KIF21A: variants seen among roughly 807,000 people sequenced by gnomAD.
KIF21A encodes kinesin-like protein KIF21A.
A neutral mutation model predicts 202.9 loss-of-function variants in KIF21A; 114 were observed. The ratio of observed to expected loss-of-function variants is 0.56; its 90% CI spans 0.48 to 0.66. The LOEUF is 0.66. KIF21A is among the 30% of genes least tolerant of loss of function. The pLI, the probability that KIF21A is intolerant of heterozygous loss-of-function variation, is 0.00. For missense variants in KIF21A, 1,677 were observed against 1,994.9 expected, an observed-to-expected ratio of 0.84 and a Z score of 3.04; for synonymous variants, 667 against 670.8, an observed-to-expected ratio of 0.99 and a Z score of 0.09.
At chr12:39,428,483 T>TGA (rs1183346034) in intron 1 of KIF21A, among the ~76,000 whole-genome samples, 1 of 152,198 alleles carries the variant, frequency 6.6e-6, no homozygotes, top group East Asian at 1.9e-4. Flanking sequence ...ACCCAATTAT[T>TGA]GAGTAAGATC....
intron 1 of KIF21A, among the ~76,000 whole-genome samples, chr12:39,381,290 G>A (rs1005262869): frequency 2.7e-5 from 4 of 145,464 alleles, no homozygotes; most frequent in South Asian, 2.2e-4. Context: ...CTGGGCAACT[G>A]AGCGAGACTC....
At position 39,330,764 on chromosome 12, in the gene KIF21A, G is replaced by T. The variant is rs377193734; in HGVS notation, c.3301C>A (p.Leu1101Ile). 1.7e-5 allele frequency: 27 copies of T among 1,613,852 alleles called. No homozygotes were observed. Among genetic ancestry groups the T allele is most frequent in the Non-Finnish European group, 5.9e-6 (7 of 1,179,874 alleles). Residue 1101 changes from leucine to isoleucine, a missense_variant, in exon 23 of 38, where the codon CTA becomes ATA. Coordinates refer to ENST00000361418, the MANE Select transcript of KIF21A (RefSeq NM_001173464.2). Reference sequence around the variant, plus strand: ...AAATTACCTTGTAAAGCATGGCCTAGTAAAGCATCTAGCTCAGGATTTAAT... The same window carrying T: ...AAATTACCTTGTAAAGCATGGCCTATTAAAGCATCTAGCTCAGGATTTAAT... Reference protein sequence around the residue: ...AELNPELDALLGHALQDLDSV... With the variant: ...AELNPELDALIGHALQDLDSV...
rs1945849157 is a variant in KIF21A at position 39,325,900 on chromosome 12, G to A, written c.3402-7C>T. The A allele has an allele frequency of 3.1e-6, 5 of 1,606,550 alleles. No homozygotes were observed. The African/African-American group carries it at 6.7e-5, about 21-fold the overall frequency. On this transcript the variant is annotated splice_region_variant and splice_polypyrimidine_tract_variant and intron_variant, in intron 25 of 37. Transcript: ENST00000361418. The stretch of plus-strand genomic sequence containing the variant: ...GAGATCTGAAGACAGCGTGCTATGT[G>A]CAAATAAATAATTAAGCACAAGATT...
intron 21 of KIF21A, 168 bp from the exon 22 acceptor site, chr12:39,331,959 G>A (rs979673722): frequency 2.9e-6 from 2 of 700,542 alleles, no homozygotes; most frequent in East Asian, 5.4e-5. Context: ...TAGTTGAAAA[G>A]ACACATTTAA....
At chr12:39,436,448 A>ATATATATATATATATATATATTTTTTT (rs1387332677) in intron 1 of KIF21A, among the ~76,000 whole-genome samples, 23 of 95,734 alleles carry the variant, frequency 2.4e-4, no homozygotes, top group Non-Finnish European at 4.2e-4. Flanking sequence ...ATATATATAT[A>ATATATATATATATATATATATTTTTTT]TTTTTTTTTT....
chr12:39,313,460 TA>T (rs1402111895), intron 31 of KIF21A, among the ~76,000 whole-genome samples: 1 of 151,912 alleles, frequency 6.6e-6, no homozygotes, highest in Non-Finnish European at 1.5e-5. Context: ...TTGACTCTAA[TA>T]AAGCCCATAC....
chr12:39,365,187 C>T (rs1253425856), intron 6 of KIF21A, among the ~76,000 whole-genome samples: 1 of 152,156 alleles, frequency 6.6e-6, no homozygotes, highest in Non-Finnish European at 1.5e-5. Context: ...CCAAATTATA[C>T]TTTAAAAACT....
intron 10 of KIF21A, among the ~76,000 whole-genome samples, chr12:39,353,365 T>C (rs901939257): frequency 8.5e-5 from 13 of 152,166 alleles, no homozygotes; most frequent in African/African-American, 1.9e-4. Flanking sequence ...ATATATGTGA[T>C]ACCATATGCG....
At chr12:39,321,613 T>TA (rs1945270520) in intron 27 of KIF21A, 1 of 152,206 alleles carries the variant, frequency 6.6e-6, no homozygotes, top group Non-Finnish European at 1.5e-5. Flanking sequence ...CTGCCATCAT[T>TA]AAAATTAATT....
chr12:39,391,188 C>G (rs970722703), intron 1 of KIF21A, among the ~76,000 whole-genome samples: 7 of 152,130 alleles, frequency 4.6e-5, no homozygotes, highest in African/African-American at 1.7e-4. Context: ...TATTTGGTTC[C>G]TGAGCTTAGA....
intron 8 of KIF21A, among the ~76,000 whole-genome samples, 155 bp from the exon 9 acceptor site, chr12:39,357,592 C>CA: frequency 6.6e-6 from 1 of 152,010 alleles, no homozygotes; most frequent in Middle Eastern, 3.2e-3. Flanking sequence ...TCTAGTAGAA[C>CA]ACTCCACAAT....
chr12:39,357,187 C>A, intron 9 of KIF21A, 61 bp downstream of exon 9: 2 of 1,420,904 alleles, frequency 1.4e-6, no homozygotes, highest in East Asian at 2.3e-5. Context: ...TTAGTGAACA[C>A]AAAGAATGTT....
At chr12:39,302,910 G>T (rs1943101947) in intron 36 of KIF21A, 55 bp downstream of exon 36, 1 of 1,415,638 alleles carries the variant, frequency 7.1e-7, no homozygotes, top group Middle Eastern at 2.3e-4. Flanking sequence ...TCTTCTACAG[G>T]CTACAGGATT....
chr12:39,351,205 A>C (rs1205706895), intron 11 of KIF21A, among the ~76,000 whole-genome samples: 2 of 152,122 alleles, frequency 1.3e-5, no homozygotes, highest in Non-Finnish European at 2.9e-5. Flanking sequence ...AAAGCCCAGA[A>C]CAGTGGTGAA....
intron 1 of KIF21A, among the ~76,000 whole-genome samples, chr12:39,416,207 T>G (rs1049317877): frequency 6.6e-6 from 1 of 152,156 alleles, no homozygotes; most frequent in African/African-American, 2.4e-5. Flanking sequence ...CCCTAGTCAC[T>G]GCCCTTTTAA....
chr12:39,404,759 CAA>C (rs1406293068), intron 1 of KIF21A, among the ~76,000 whole-genome samples: 1 of 151,938 alleles, frequency 6.6e-6, no homozygotes, highest in African/African-American at 2.4e-5. Flanking sequence ...TAACATGTTC[CAA>C]AACAGAATTT....
intron 31 of KIF21A, among the ~76,000 whole-genome samples, chr12:39,314,636 C>T (rs1339885065): frequency 6.6e-6 from 1 of 151,842 alleles, no homozygotes; most frequent in Non-Finnish European, 1.5e-5. Flanking sequence ...ACAGTACCCT[C>T]AGATGTAATA....
In KIF21A at chr12:39,318,202, C is replaced by T. The variant is rs560025140; in HGVS notation, c.3780-1G>A. 3.6e-5 allele frequency: 58 copies of T among 1,612,502 alleles called. 1 individual carries two copies. In the South Asian group the frequency reaches 6.2e-4, roughly 17 times the overall value. ...AGCCTCTGAAGTTCCAGAATCTGAG[C>T]TACAAGAAAAAAAGAACATTAAGTA... On this transcript the variant is annotated splice_acceptor_variant, in intron 28 of 37. Coordinates refer to ENST00000361418, the MANE Select transcript of KIF21A (RefSeq NM_001173464.2). LOFTEE classifies it high-confidence loss of function.
At position 39,307,710 on chromosome 12, in the gene KIF21A, G is replaced by A. The variant is rs1943610952; in HGVS notation, c.4297C>T (p.Leu1433Phe). ...GTACTTGCAGAACAAGCATCTCCAA[G>A]AGTAACTTGACCTGAAGACCTTAAG... The part of the protein sequence containing the change: ...RTLTSSGQVT[L>F]GDACSASTSR... The change falls in exon 34 of 38, where the codon CTT (leucine) becomes TTT (phenylalanine). Residue 1433 changes from leucine (L) to phenylalanine (F), a missense_variant. Leu to Phe is a conservative substitution (Grantham distance 22). Transcript: ENST00000361418. 1.9e-6 allele frequency: 3 copies of A among 1,613,994 alleles called. No homozygotes were observed. The highest frequency in any genetic ancestry group is 2.5e-6 in the Non-Finnish European group (3 of 1,179,954).
Sources: gnomAD v4.1 joint callset for allele counts (sites outside exome capture counted in the v4.1 genomes callset) on GRCh38, gnomAD v4.1.1 for gene constraint, MANE v1.5 for transcripts, NCBI Gene and HGNC (gene_info 2026-07-23, HGNC 2026-07-21) for gene names.